Variants in CRYBG1 observed in about 807,000 individuals in gnomAD.
The protein encoded by CRYBG1 is crystallin beta-gamma domain containing 1, also known as beta/gamma crystallin domain-containing protein 1.
Under a neutral mutation model 189.2 loss-of-function variants are expected in CRYBG1, and 139 were observed. That is an observed-to-expected ratio of 0.73 (90% CI 0.64 to 0.85). The LOEUF is 0.85. CRYBG1 is among the 40% of genes least tolerant of loss of function. The probability of loss-of-function intolerance (pLI) is 0.00; values close to 1 mark genes in which losing one functional copy is unlikely to be tolerated. For synonymous variants in CRYBG1, 1,023 were observed against 1,017.1 expected, an observed-to-expected ratio of 1.01 and a Z score of -0.11; for missense variants, 2,611 against 2,675.8, an observed-to-expected ratio of 0.98 and a Z score of 0.53.
intron 6 of CRYBG1, among the ~76,000 whole-genome samples, chr6:106,526,484 A>G (rs1337777921): frequency 1.3e-5 from 2 of 152,130 alleles, no homozygotes; most frequent in African/African-American, 4.8e-5. Flanking sequence ...ACACTGCCAT[A>G]TATTGACATG....
chr6:106,530,062 T>C (rs1773842947), intron 7 of CRYBG1, 114 bp from the exon 8 acceptor site: 1 of 985,242 alleles, frequency 1.0e-6, no homozygotes, highest in Non-Finnish European at 1.4e-6. Flanking sequence ...CTGTGAAATG[T>C]GTTTGTAAAT....
intron 7 of CRYBG1, among the ~76,000 whole-genome samples, chr6:106,528,094 A>T (rs1005759405): frequency 1.3e-5 from 2 of 152,216 alleles, no homozygotes; most frequent in African/African-American, 4.8e-5. Flanking sequence ...CCAAGTTTTA[A>T]TGGAGACGAG....
At position 106,396,314 on chromosome 6, in the gene CRYBG1, C is replaced by T. The variant is rs188754907; in HGVS notation, c.173+35233C>T. Among the ~76,000 whole-genome samples, 29 of 152,292 alleles carry T rather than the reference C, an allele frequency of 1.9e-4. No individual in the cohort carries two copies. The East Asian group carries it at 4.8e-3, about 25-fold the overall frequency. On this transcript the variant is annotated intron_variant, in intron 1 of 21. Coordinates refer to ENST00000633556, the MANE Select transcript of CRYBG1 (RefSeq NM_001371242.2). Reference sequence around the variant, plus strand: ...GCATCCTTTCCAAATAGAATTTTGACTACTGTTTCAGTGTAAACACTGAAT... The same window carrying T: ...GCATCCTTTCCAAATAGAATTTTGATTACTGTTTCAGTGTAAACACTGAAT...
chr6:106,411,652 A>G (rs1315701143), intron 1 of CRYBG1, among the ~76,000 whole-genome samples: 1 of 152,206 alleles, frequency 6.6e-6, no homozygotes, highest in African/African-American at 2.4e-5. Flanking sequence ...GGCTCACTGG[A>G]TTACACAGTG....
At chr6:106,563,123 T>C (rs1264837244) in intron 20 of CRYBG1, among the ~76,000 whole-genome samples, 2 of 152,236 alleles carry the variant, frequency 1.3e-5, no homozygotes, top group Non-Finnish European at 2.9e-5. Flanking sequence ...CATGTGAACA[T>C]GACTGCCATA....
chr6:106,554,249 T>C (rs1774480646), intron 16 of CRYBG1, among the ~76,000 whole-genome samples: 1 of 152,192 alleles, frequency 6.6e-6, no homozygotes, highest in South Asian at 2.1e-4. Flanking sequence ...CACGTGGTTC[T>C]TTATGGTTGA....
At chr6:106,483,064 T>C (rs956474528) in intron 2 of CRYBG1, among the ~76,000 whole-genome samples, 7 of 152,176 alleles carry the variant, frequency 4.6e-5, no homozygotes, top group African/African-American at 1.7e-4. Flanking sequence ...CTTACTGTGA[T>C]GTTATAGAAA....
chr6:106,462,679 A>G (rs958345264), intron 2 of CRYBG1, among the ~76,000 whole-genome samples: 1 of 152,188 alleles, frequency 6.6e-6, no homozygotes, highest in Non-Finnish European at 1.5e-5. Flanking sequence ...TCTTATTTGA[A>G]TCATATGGTA....
intron 2 of CRYBG1, among the ~76,000 whole-genome samples, chr6:106,462,649 T>C (rs1337364378): frequency 2.0e-5 from 3 of 152,214 alleles, no homozygotes; most frequent in Non-Finnish European, 4.4e-5. Context: ...TGGGCTGGGC[T>C]CATTTGCAGC....
intron 2 of CRYBG1, among the ~76,000 whole-genome samples, chr6:106,495,636 G>T (rs139751536): frequency 1.3e-5 from 2 of 152,120 alleles, no homozygotes; most frequent in Non-Finnish European, 2.9e-5. Flanking sequence ...AAAATGTCCA[G>T]TATAGGATCT....
chr6:106,484,269 G>A (rs1444581334), intron 2 of CRYBG1, among the ~76,000 whole-genome samples: 1 of 151,556 alleles, frequency 6.6e-6, no homozygotes, highest in Non-Finnish European at 1.5e-5. Flanking sequence ...TTTGAAGTCA[G>A]GTAGTGCGAT....
At chr6:106,559,120 T>C (rs1477479555) in intron 18 of CRYBG1, among the ~76,000 whole-genome samples, 1 of 152,220 alleles carries the variant, frequency 6.6e-6, no homozygotes, top group Non-Finnish European at 1.5e-5. Context: ...TTTTATTTCA[T>C]TATCCAGATT....
chr6:106,535,484 C>T (rs9486383), intron 8 of CRYBG1, among the ~76,000 whole-genome samples: 45,656 of 152,018 alleles, frequency 0.3, 7,185 homozygotes, highest in South Asian at 0.37. Context: ...CTTCATTCCA[C>T]ATAGGATTCA....
chr6:106,484,814 C>T (rs1287082979), intron 2 of CRYBG1, among the ~76,000 whole-genome samples: 3 of 151,942 alleles, frequency 2.0e-5, no homozygotes, highest in African/African-American at 7.3e-5. Context: ...AGTGACATCC[C>T]ATCTCTACAA....
chr6:106,364,402 G>A lies in CRYBG1; in HGVS notation c.173+3321G>A, dbSNP rs963381058. On this transcript the variant is annotated intron_variant, in intron 1 of 21. Transcript: ENST00000633556. ...TAAAGTTTATTAAAGTCAGATTTTC[G>A]TATTCTGCAAATATTTGTGGCTTTT... 7.9e-5 allele frequency among the ~76,000 whole-genome samples: 12 copies of A among 151,804 alleles called. No homozygotes were observed. In the East Asian group the frequency reaches 1.7e-3, roughly 22 times the overall value.
At chr6:106,381,985 C>T (rs1349521270) in intron 1 of CRYBG1, among the ~76,000 whole-genome samples, 4 of 152,270 alleles carry the variant, frequency 2.6e-5, no homozygotes, top group Non-Finnish European at 5.9e-5. Flanking sequence ...GCACTCACTT[C>T]TAGAAGGAAA....
At chr6:106,523,409 T>G (rs1773654578) in intron 4 of CRYBG1, among the ~76,000 whole-genome samples, 1 of 152,204 alleles carries the variant, frequency 6.6e-6, no homozygotes, top group Non-Finnish European at 1.5e-5. Context: ...TAATTGTTCT[T>G]AGATCGCTTT....
At chr6:106,388,535 G>A (rs546915792) in intron 1 of CRYBG1, among the ~76,000 whole-genome samples, 2 of 152,252 alleles carry the variant, frequency 1.3e-5, no homozygotes, top group African/African-American at 4.8e-5. Flanking sequence ...TTTTGAATAT[G>A]TAATTTTATG....
intron 17 of CRYBG1, among the ~76,000 whole-genome samples, chr6:106,557,981 A>G (rs959744416): frequency 1.3e-5 from 2 of 152,150 alleles, no homozygotes; most frequent in African/African-American, 4.8e-5. Flanking sequence ...TGGGAGCATG[A>G]GTACACAGAA....
Sources: allele counts gnomAD v4.1 joint callset (sites outside exome capture counted in the v4.1 genomes callset), GRCh38; gene constraint gnomAD v4.1.1; transcripts MANE v1.5; gene names NCBI Gene and HGNC (gene_info 2026-07-23, HGNC 2026-07-21).